RALGPS1: variants seen among roughly 807,000 people sequenced by gnomAD.
RALGPS1 encodes the protein ras-specific guanine nucleotide-releasing factor RalGPS1.
A neutral mutation model predicts 78.8 loss-of-function variants in RALGPS1; 19 were observed. The observed-to-expected ratio is 0.24, with a 90% CI of 0.17 to 0.35. The LOEUF (loss-of-function observed/expected upper bound fraction) is 0.35, where lower values mean the gene tolerates loss of function less well. Among genes scored for constraint, RALGPS1 ranks in the 10% least tolerant of loss-of-function variants. The pLI, the probability that RALGPS1 is intolerant of heterozygous loss-of-function variation, is 1.00. For synonymous variants in RALGPS1, 228 were observed against 256.3 expected (o/e 0.89, Z 1.06); for missense variants, 454 against 688.3 (o/e 0.66, Z 3.81).
At chr9:127,142,054 A>G (rs1246897790) in intron 8 of RALGPS1, among the ~76,000 whole-genome samples, 4 of 152,218 alleles carry the variant, frequency 2.6e-5, no homozygotes, top group Non-Finnish European at 4.4e-5. Flanking sequence ...GACAGGAGCA[A>G]CGTTCTAAAT....
At chr9:126,963,176 G>A (rs1022007760) in intron 2 of RALGPS1, among the ~76,000 whole-genome samples, 2 of 152,130 alleles carry the variant, frequency 1.3e-5, no homozygotes, top group African/African-American at 2.4e-5. Flanking sequence ...TGATCAACAC[G>A]TCCCCTTGTA....
intron 8 of RALGPS1, among the ~76,000 whole-genome samples, chr9:127,152,519 A>T (rs543426112): frequency 1.1e-4 from 17 of 152,344 alleles, no homozygotes; most frequent in African/African-American, 4.1e-4. Context: ...TGTACTGGTC[A>T]TTGGCCCAAA....
At chr9:127,137,238 C>T (rs541601959) in intron 8 of RALGPS1, among the ~76,000 whole-genome samples, 174 of 152,296 alleles carry the variant, frequency 1.1e-3, no homozygotes, top group Non-Finnish European at 1.8e-3. Flanking sequence ...GTGTCCCACC[C>T]GGGCCACAGT....
chr9:127,169,493 C>G lies in RALGPS1; in HGVS notation c.842+721C>G, dbSNP rs12684997. On this transcript the variant is annotated intron_variant, in intron 10 of 18. Transcript: ENST00000259351. Reference sequence around the variant, plus strand: ...CGTGTTAACTCTGTCTGCCATACTGCTTGGCAAGTCCTCTTGGCCCATTTT... The same window carrying G: ...CGTGTTAACTCTGTCTGCCATACTGGTTGGCAAGTCCTCTTGGCCCATTTT... Among the ~76,000 whole-genome samples the G allele has an allele frequency of 5.3e-5, 8 of 152,232 alleles. No homozygotes were observed. In the East Asian group the frequency reaches 1.5e-3, roughly 29 times the overall value.
chr9:127,120,154 A>G (rs2055896434), intron 8 of RALGPS1, among the ~76,000 whole-genome samples: 1 of 152,126 alleles, frequency 6.6e-6, no homozygotes, highest in Admixed American at 6.5e-5. Context: ...TCCGGGGCAA[A>G]CCTGACTATG....
intron 4 of RALGPS1, among the ~76,000 whole-genome samples, chr9:127,015,374 A>T (rs10115627): frequency 6.6e-6 from 1 of 152,094 alleles, no homozygotes; most frequent in Non-Finnish European, 1.5e-5. Flanking sequence ...AAAATTACGG[A>T]GCATAATGTG....
Position 126,995,976 on chromosome 9 carries a change from A to G in RALGPS1, c.216+18231A>G, listed in dbSNP as rs1354344437. Reference sequence around the variant, plus strand: ...AAGGCAGAAATAAAGATGTTCTTTGAAACCAACGAGAACAAAGACACAACA... The same window carrying G: ...AAGGCAGAAATAAAGATGTTCTTTGGAACCAACGAGAACAAAGACACAACA... On this transcript the variant is annotated intron_variant, in intron 4 of 18. Coordinates refer to ENST00000259351, the MANE Select transcript of RALGPS1 (RefSeq NM_014636.3). Among the ~76,000 whole-genome samples the G allele has an allele frequency of 2.0e-5, 3 of 152,344 alleles. No homozygotes were observed. The East Asian group carries it at 5.8e-4, about 29-fold the overall frequency.
intron 8 of RALGPS1, among the ~76,000 whole-genome samples, chr9:127,074,283 T>C (rs2050487506): frequency 1.3e-5 from 2 of 152,368 alleles, no homozygotes; most frequent in South Asian, 2.1e-4. Flanking sequence ...TAGGGGAATA[T>C]ACCACTTTCA....
At chr9:127,199,502 GA>G (rs976023483) in intron 14 of RALGPS1, among the ~76,000 whole-genome samples, 10 of 107,032 alleles carry the variant, frequency 9.3e-5, no homozygotes, top group African/African-American at 3.0e-4. Context: ...AGGCACTGGT[GA>G]CAGGGAAGTG....
intron 8 of RALGPS1, among the ~76,000 whole-genome samples, chr9:127,144,973 T>G (rs1439109482): frequency 6.6e-6 from 1 of 152,172 alleles, no homozygotes; most frequent in Non-Finnish European, 1.5e-5. Context: ...ATGGTAAATT[T>G]TATGGTGGGT....
chr9:126,925,982 C>T (rs965930939), intron 1 of RALGPS1, among the ~76,000 whole-genome samples: 2 of 152,220 alleles, frequency 1.3e-5, no homozygotes, highest in African/African-American at 4.8e-5. Context: ...GACCAGTGTT[C>T]ATGTTCTGGT....
intron 8 of RALGPS1, among the ~76,000 whole-genome samples, chr9:127,071,884 G>A (rs1282387434): frequency 1.3e-5 from 2 of 152,082 alleles, no homozygotes; most frequent in African/African-American, 4.8e-5. Context: ...AATCACAGTT[G>A]TGCAAACCAT....
At chr9:127,142,137 G>T (rs1185494078) in intron 8 of RALGPS1, among the ~76,000 whole-genome samples, 2 of 152,214 alleles carry the variant, frequency 1.3e-5, no homozygotes, top group African/African-American at 4.8e-5. Context: ...GGGCACTCCT[G>T]CCCTGCGGTC....
In RALGPS1 at chr9:127,221,003, AG is replaced by A. The variant is rs2062758745; in HGVS notation, c.*2236del. ...TGAGTCTGCTTCCACGTCCTCTCCC[AG>A]GAACATTCTTAGCTCGGACTCTTGA... On this transcript the variant is annotated 3_prime_UTR_variant, in exon 19 of 19. Coordinates refer to ENST00000259351, the MANE Select transcript of RALGPS1 (RefSeq NM_014636.3). The A allele has an allele frequency of 6.6e-6, 1 of 152,588 alleles. No homozygotes were observed. The highest frequency in any genetic ancestry group is 2.4e-5 in the African/African-American group (1 of 41,464). 9.5% of individuals were successfully genotyped at this position (152,588 alleles called of 1,614,324 possible).
chr9:126,975,691 A>G (rs1308058509), intron 3 of RALGPS1, among the ~76,000 whole-genome samples: 1 of 152,226 alleles, frequency 6.6e-6, no homozygotes, highest in African/African-American at 2.4e-5. Flanking sequence ...GTTCTGAGCC[A>G]TGGAGCTCTA....
At chr9:127,040,375 C>A in intron 5 of RALGPS1, among the ~76,000 whole-genome samples, 1 of 152,128 alleles carries the variant, frequency 6.6e-6, no homozygotes, top group African/African-American at 2.4e-5. Context: ...GCACTCCAGC[C>A]TGGGCGACAG....
At chr9:127,080,221 G>A (rs2051050702) in intron 8 of RALGPS1, among the ~76,000 whole-genome samples, 1 of 152,164 alleles carries the variant, frequency 6.6e-6, no homozygotes, top group African/African-American at 2.4e-5. Context: ...AGTATACAGT[G>A]GGCTCCTGAG....
chr9:127,108,343 A>G (rs550781459), intron 8 of RALGPS1: 2 of 1,612,538 alleles, frequency 1.2e-6, no homozygotes, highest in Admixed American at 3.3e-5. Context: ...CCGCGAGTTC[A>G]TGTTGCGGCT....
At chr9:127,144,298 T>C (rs1189893986) in intron 8 of RALGPS1, among the ~76,000 whole-genome samples, 1 of 152,178 alleles carries the variant, frequency 6.6e-6, no homozygotes, top group Non-Finnish European at 1.5e-5. Flanking sequence ...TCATGGACGA[T>C]TCGTGCAGGA....
Sources: gnomAD v4.1 joint callset for allele counts (sites outside exome capture counted in the v4.1 genomes callset) on GRCh38, gnomAD v4.1.1 for gene constraint, MANE v1.5 for transcripts, NCBI Gene and HGNC (gene_info 2026-07-23, HGNC 2026-07-21) for gene names.